Variants in ZDHHC24 observed in about 807,000 individuals in gnomAD.
ZDHHC24 encodes zDHHC palmitoyltransferase 24.
In ZDHHC24, 17 loss-of-function variants were observed where a neutral mutation model predicts 23.2. The observed-to-expected ratio is 0.73, with a 90% confidence interval of 0.50 to 1.10. The LOEUF (loss-of-function observed/expected upper bound fraction) is 1.10, where lower values mean the gene tolerates loss of function less well. Ranked by LOEUF, ZDHHC24 falls within the 50% of genes least tolerant of loss-of-function variation. The probability of loss-of-function intolerance (pLI) is 0.00; values close to 1 mark genes in which losing one functional copy is unlikely to be tolerated. For synonymous variants in ZDHHC24, 186 were observed against 194.5 expected, an observed-to-expected ratio of 0.96 and a Z score of 0.36; for missense variants, 366 against 393.0, an observed-to-expected ratio of 0.93 and a Z score of 0.58.
At chr11:66,530,486 A>G (rs1856728894) in intron 2 of ZDHHC24, among the ~76,000 whole-genome samples, 2 of 152,168 alleles carry the variant, frequency 1.3e-5, no homozygotes, top group Admixed American at 6.5e-5. Flanking sequence ...ATCTGACCCA[A>G]CCAGGTTCTG....
chr11:66,536,384 C>CCAT lies in ZDHHC24; in HGVS notation c.*3142_*3144dup, dbSNP rs1856966360. 1 of 152,214 alleles carries CCAT rather than the reference C, an allele frequency of 6.6e-6. No homozygotes were observed. Among genetic ancestry groups the CCAT allele is most frequent in the Non-Finnish European group, 1.5e-5 (1 of 68,132 alleles). The allele number at this position is 152,214 out of a possible 1,614,324, so 9.4% of individuals were successfully genotyped here. A position where few individuals can be genotyped will look rare whatever the true frequency, so the allele number is the denominator to read the frequency against. ...CCAGCCTGACCAACATGGTGAAACT[C>CCAT]CATCTCTACAAAAGTACAAAATTTA... is the stretch of plus-strand genomic sequence containing the variant. On this transcript the variant is annotated 3_prime_UTR_variant, in exon 3 of 3. Coordinates refer to ENST00000310442, the MANE Select transcript of ZDHHC24 (RefSeq NM_207340.3).
chr11:66,522,336 CTTT>C (rs748766824), intron 4 of ZDHHC24, among the ~76,000 whole-genome samples: 2 of 143,232 alleles, frequency 1.4e-5, no homozygotes. Flanking sequence ...ATATAAAATG[CTTT>C]TTTTTTTTTT....
chr11:66,522,336 C>CTT (rs748766824), intron 4 of ZDHHC24, among the ~76,000 whole-genome samples: 2 of 143,234 alleles, frequency 1.4e-5, no homozygotes, highest in Admixed American at 7.0e-5. Flanking sequence ...ATATAAAATG[C>CTT]TTTTTTTTTT....
At chr11:66,535,218 A>G (rs1318534542), downstream of ZDHHC24, among the ~76,000 whole-genome samples, 1 of 149,870 alleles carries the variant, frequency 6.7e-6, no homozygotes, top group Admixed American at 6.6e-5. Context: ...TTTTTGTTTT[A>G]GTTTTTTTGA....
chr11:66,544,938 A>G (rs140424350), intron 1 of ZDHHC24, among the ~76,000 whole-genome samples: 83 of 152,330 alleles, frequency 5.4e-4, no homozygotes, highest in African/African-American at 2.0e-3. Flanking sequence ...AAGTGATGTT[A>G]TGATTTATCA....
At chr11:66,532,041 C>T, downstream of ZDHHC24, 1 of 1,599,420 alleles carries the variant, frequency 6.3e-7, no homozygotes, top group Non-Finnish European at 8.5e-7. Context: ...CGCCTGAGAC[C>T]TGAGCTGCTG....
chr11:66,539,492 CCCCTTCCT>C lies in ZDHHC24; in HGVS notation c.*29_*36del. On this transcript the variant is annotated 3_prime_UTR_variant, in exon 3 of 3. Transcript: ENST00000310442. The stretch of plus-strand genomic sequence containing the variant: ...TCTAGGTGTGGGGGCCCCCCTCTCA[CCCCTTCCT>C]CCCTGCACAGCTCTGGCTCTTCCTG... 1 of 1,496,502 alleles carries C rather than the reference CCCCTTCCT, an allele frequency of 6.7e-7. No homozygotes were observed. Among genetic ancestry groups the C allele is most frequent in the Non-Finnish European group, 8.9e-7 (1 of 1,124,896 alleles). 92.7% of individuals were successfully genotyped at this position (1,496,502 alleles called of 1,614,324 possible).
Position 66,538,467 on chromosome 11 carries a change from C to T in ZDHHC24, c.*1062G>A, listed in dbSNP as rs11227523. The T allele has an allele frequency of 0.25, 37,700 of 151,398 alleles. 4,916 individuals are homozygous for T. Among genetic ancestry groups the T allele is most frequent in the East Asian group, 0.27 (1,385 of 5,138 alleles). The allele number at this position is 151,398 out of a possible 1,614,324, so 9.4% of individuals were successfully genotyped here. A position where few individuals can be genotyped will look rare whatever the true frequency, so the allele number is the denominator to read the frequency against. On this transcript the variant is annotated 3_prime_UTR_variant, in exon 3 of 3. Coordinates refer to ENST00000310442, the MANE Select transcript of ZDHHC24 (RefSeq NM_207340.3). Reference sequence around the variant, plus strand: ...CTGTAATCCCAGCAACTCGGGAGGCCGAATCACTTGAACCCGGGAGGTGGA... The same window carrying T: ...CTGTAATCCCAGCAACTCGGGAGGCTGAATCACTTGAACCCGGGAGGTGGA...
chr11:66,527,012 G>A (rs763434778), intron 3 of ZDHHC24: 27 of 1,536,874 alleles, frequency 1.8e-5, no homozygotes, highest in Non-Finnish European at 1.8e-5. Flanking sequence ...AGGTGCTGTG[G>A]GTGACAGCAA....
At chr11:66,525,581 C>T (rs1051548631) in intron 4 of ZDHHC24, among the ~76,000 whole-genome samples, 3 of 152,070 alleles carry the variant, frequency 2.0e-5, no homozygotes, top group Non-Finnish European at 4.4e-5. Context: ...AAGTATGTCA[C>T]AAGTGAAACT....
Position 66,529,855 on chromosome 11 carries a change from T to TGCGCCTACGTGCTGCCC in ZDHHC24, c.560-384_560-368dup, listed in dbSNP as rs1166459319. On this transcript the variant is annotated intron_variant, in intron 2 of 4. Transcript: ENST00000526986. ...GCCTTCCAGACAGACCTATACCTGC[T>TGCGCCTACGTGCTGCCC]GCGCCTACGTGCTGCCCGCGCCTAC... is the stretch of plus-strand genomic sequence containing the variant. 3 of 1,610,828 alleles carry TGCGCCTACGTGCTGCCC rather than the reference T, an allele frequency of 1.9e-6. No homozygotes were observed. Among genetic ancestry groups the TGCGCCTACGTGCTGCCC allele is most frequent in the Non-Finnish European group, 2.5e-6 (3 of 1,179,966 alleles).
downstream of ZDHHC24, chr11:66,532,477 T>A: frequency 5.7e-6 from 1 of 174,260 alleles, no homozygotes; most frequent in Non-Finnish European, 1.2e-5. Flanking sequence ...TCTTCTTGGG[T>A]GAGATTGAGC....
Position 66,539,414 on chromosome 11 carries a change from G to T in ZDHHC24, c.*115C>A. On this transcript the variant is annotated 3_prime_UTR_variant, in exon 3 of 3. Transcript: ENST00000310442. ...GCGGGCAGGGGCAAGGCCAAGGAAG[G>T]GGTGGAGTTGTCCAATGCAGATGTT... is the stretch of plus-strand genomic sequence containing the variant. 7.2e-7 allele frequency: 1 copy of T among 1,395,042 alleles called. No individual in the cohort carries two copies. Among genetic ancestry groups the T allele is most frequent in the East Asian group, 2.7e-5 (1 of 36,534 alleles). The allele number at this position is 1,395,042 out of a possible 1,614,324, so 86.4% of individuals were successfully genotyped here.
At chr11:66,528,448 G>A in intron 3 of ZDHHC24, among the ~76,000 whole-genome samples, 1 of 151,994 alleles carries the variant, frequency 6.6e-6, no homozygotes, top group Non-Finnish European at 1.5e-5. Flanking sequence ...TAAGAATGAG[G>A]GGACTTACCC....
Position 66,521,386 on chromosome 11 carries a change from TC to T in ZDHHC24, c.*101del, listed in dbSNP as rs1343720111. On this transcript the variant is annotated 3_prime_UTR_variant, in exon 5 of 5. Coordinates refer to the ZDHHC24 transcript ENST00000526986. ...TCTATATTCTGAGAAGGTAGCCACA[TC>T]CGTGGTCTCCGGGGCCGGGAGGAAC... The T allele has an allele frequency of 2.9e-5, 47 of 1,609,116 alleles. No homozygotes were observed. The highest frequency in any genetic ancestry group is 3.9e-5 in the Non-Finnish European group (46 of 1,175,538).
At chr11:66,534,897 G>A (rs983514561), downstream of ZDHHC24, among the ~76,000 whole-genome samples, 8 of 151,808 alleles carry the variant, frequency 5.3e-5, no homozygotes, top group South Asian at 4.2e-4. Context: ...GCGTTTCACC[G>A]TGTTAGCCAG....
chr11:66,531,976 G>T, downstream of ZDHHC24: 1 of 1,604,230 alleles, frequency 6.2e-7, no homozygotes, highest in Non-Finnish European at 8.5e-7. Flanking sequence ...GAAGGCCAAA[G>T]TGCACCCCTG....
chr11:66,523,697 C>T lies in ZDHHC24; in HGVS notation c.*22-2231G>A. 3 of 1,610,282 alleles carry T rather than the reference C, an allele frequency of 1.9e-6. 1 individual carries two copies. The highest frequency in any genetic ancestry group is 1.7e-6 in the Non-Finnish European group (2 of 1,179,968). On this transcript the variant is annotated intron_variant, in intron 4 of 4. Coordinates refer to the ZDHHC24 transcript ENST00000526986. Reference sequence around the variant, plus strand: ...CTTTCCACTGTAAGCCCTGAGCCCTCCACAGACGCTGGCTGTTCCCTGCCA... The same window carrying T: ...CTTTCCACTGTAAGCCCTGAGCCCTTCACAGACGCTGGCTGTTCCCTGCCA...
At chr11:66,530,940 A>G (rs1565290514), downstream of ZDHHC24, 1 of 1,614,066 alleles carries the variant, frequency 6.2e-7, no homozygotes, top group Non-Finnish European at 8.5e-7. Flanking sequence ...CACCTGCAGA[A>G]CACCTCAACA....
Sources: allele counts gnomAD v4.1 joint callset (sites outside exome capture counted in the v4.1 genomes callset), GRCh38; gene constraint gnomAD v4.1.1; transcripts MANE v1.5; gene names NCBI Gene and HGNC (gene_info 2026-07-23, HGNC 2026-07-21).